DACH2: variants seen among roughly 807,000 people sequenced by gnomAD.
The protein encoded by DACH2 is dachshund family transcription factor 2.
DACH2 carries 17 observed loss-of-function variants against 35.8 expected under a neutral mutation model. The ratio of observed to expected loss-of-function variants is 0.48; its 90% CI spans 0.33 to 0.71. The LOEUF (loss-of-function observed/expected upper bound fraction) is 0.71. Ranked by LOEUF, DACH2 falls within the 30% of genes least tolerant of loss-of-function variation. DACH2 has a pLI of 0.02. For synonymous variants in DACH2, 195 were observed against 177.3 expected (o/e 1.10, Z -0.79); for missense variants, 469 against 472.7 (o/e 0.99, Z 0.07).
chrX:86,577,032 G>A (rs1237545938), intron 3 of DACH2, among the ~76,000 whole-genome samples: 3 of 111,625 alleles, frequency 2.7e-5, no homozygotes, highest in African/African-American at 9.8e-5. Context: ...CCCAATCTCA[G>A]GTATTCATTT....
At chrX:86,599,518 CAAAGAG>C (rs1188916492) in intron 3 of DACH2, among the ~76,000 whole-genome samples, 113 of 96,910 alleles carry the variant, frequency 1.2e-3, no homozygotes, top group African/African-American at 1.8e-3. Context: ...TTCTTTCTTT[CAAAGAG>C]TCTCTCTCTG....
rs139396778 is a variant in DACH2 at position 86,574,135 on chromosome X, A to G, written c.640+59744A>G. ...CTTTTATTCTGCCATGATGGAATTG[A>G]AGTTACCCCAAAGAGTAGAGTAAAA... On this transcript the variant is annotated intron_variant, in intron 3 of 11. Transcript: ENST00000373125. Among the ~76,000 whole-genome samples the G allele has an allele frequency of 9.1e-3, 1,012 of 111,499 alleles. 18 individuals are homozygous for G. The highest frequency in any genetic ancestry group is 0.032 in the African/African-American group (970 of 30,756).
At chrX:86,650,787 T>TA (rs756029409) in intron 3 of DACH2, among the ~76,000 whole-genome samples, 286 of 111,479 alleles carry the variant, frequency 2.6e-3, no homozygotes, top group Non-Finnish European at 4.5e-3. Context: ...GTTACATTGT[T>TA]AAAAATATTA....
At chrX:86,639,592 C>T (rs950236723) in intron 3 of DACH2, among the ~76,000 whole-genome samples, 6 of 111,244 alleles carry the variant, frequency 5.4e-5, no homozygotes, top group African/African-American at 6.5e-5. Context: ...TTCCAAGGCA[C>T]GTCACAATAT....
chrX:86,570,864 T>C (rs1236243670), intron 3 of DACH2, among the ~76,000 whole-genome samples: 3 of 111,607 alleles, frequency 2.7e-5, no homozygotes, highest in Non-Finnish European at 5.7e-5. Flanking sequence ...CAAATATATA[T>C]TTTACAAAGA....
At chrX:86,463,767 A>G (rs994163323) in intron 2 of DACH2, among the ~76,000 whole-genome samples, 5 of 111,711 alleles carry the variant, frequency 4.5e-5, no homozygotes, top group African/African-American at 6.5e-5. Context: ...AATTTTTGCA[A>G]TCTTTCCATG....
intron 1 of DACH2, among the ~76,000 whole-genome samples, chrX:86,283,869 T>TATAC (rs1569328853): frequency 1.8e-5 from 1 of 55,012 alleles, no homozygotes. Flanking sequence ...ACTTAAAGTA[T>TATAC]ATACACACAC....
At chrX:86,201,976 C>A (rs1391756497) in intron 1 of DACH2, among the ~76,000 whole-genome samples, 1 of 110,934 alleles carries the variant, frequency 9.0e-6, no homozygotes, top group Non-Finnish European at 1.9e-5. Context: ...TACTTGCTTC[C>A]CTAAGTAGTT....
chrX:86,234,717 G>A (rs1322178426), intron 1 of DACH2, among the ~76,000 whole-genome samples: 1 of 108,777 alleles, frequency 9.2e-6, no homozygotes, highest in African/African-American at 3.4e-5. Context: ...CGACTCCAGT[G>A]ATCCTCCCAC....
intron 1 of DACH2, among the ~76,000 whole-genome samples, chrX:86,176,042 G>C (rs1343361486): frequency 8.9e-6 from 1 of 111,887 alleles, no homozygotes; most frequent in African/African-American, 3.2e-5. Context: ...AGCTGTGTCA[G>C]TACTGGTGCA....
At chrX:86,696,685 A>G (rs1411253615) in intron 5 of DACH2, among the ~76,000 whole-genome samples, 4 of 111,967 alleles carry the variant, frequency 3.6e-5, no homozygotes, top group African/African-American at 1.3e-4. Flanking sequence ...AGATCCTGGT[A>G]GAAGCATTTA....
At chrX:86,307,415 A>G (rs768274617) in intron 1 of DACH2, among the ~76,000 whole-genome samples, 25 of 111,943 alleles carry the variant, frequency 2.2e-4, no homozygotes, top group Non-Finnish European at 4.3e-4. Context: ...GGGCCCTGCA[A>G]CTTGGAATGG....
At chrX:86,389,886 G>A (rs1200539523) in intron 2 of DACH2, among the ~76,000 whole-genome samples, 1 of 111,492 alleles carries the variant, frequency 9.0e-6, no homozygotes, top group Non-Finnish European at 1.9e-5. Flanking sequence ...AAATGATGCT[G>A]GAAAAAAAAT....
rs574972910 is a variant in DACH2 at position 86,190,158 on chromosome X, C to T, written c.488+41050C>T. Reference sequence around the variant, plus strand: ...CAGCCTGGGCGATAGAGTGAGACTCCATCTAAAAAAAAAAAAAAGTAAAAT... The same window carrying T: ...CAGCCTGGGCGATAGAGTGAGACTCTATCTAAAAAAAAAAAAAAGTAAAAT... On this transcript the variant is annotated intron_variant, in intron 1 of 11. Coordinates refer to ENST00000373125, the MANE Select transcript of DACH2 (RefSeq NM_053281.3). Among the ~76,000 whole-genome samples, 3 of 106,646 alleles carry T rather than the reference C, an allele frequency of 2.8e-5. No individual in the cohort carries two copies. The South Asian group carries it at 1.3e-3, about 45-fold the overall frequency. The allele number at this position is 106,646 out of a possible 115,157, so 92.6% of individuals were successfully genotyped here. A position where few individuals can be genotyped will look rare whatever the true frequency, so the allele number is the denominator to read the frequency against.
intron 7 of DACH2, among the ~76,000 whole-genome samples, chrX:86,788,686 A>G (rs1487262181): frequency 1.8e-5 from 2 of 111,741 alleles, no homozygotes; most frequent in Non-Finnish European, 3.8e-5. Flanking sequence ...TCTCACACCA[A>G]TGGCTGAATT....
At chrX:86,272,845 G>C (rs1449908822) in intron 1 of DACH2, among the ~76,000 whole-genome samples, 1 of 111,928 alleles carries the variant, frequency 8.9e-6, no homozygotes, top group African/African-American at 3.2e-5. Flanking sequence ...CTCTCAATGC[G>C]ATAACGTAGC....
At chrX:86,725,565 T>G (rs1446626018) in intron 6 of DACH2, among the ~76,000 whole-genome samples, 1 of 111,304 alleles carries the variant, frequency 9.0e-6, no homozygotes, top group Non-Finnish European at 1.9e-5. Flanking sequence ...TGTCTGCCTG[T>G]TCTTAGTCCC....
chrX:86,580,107 A>G (rs1411978965), intron 3 of DACH2, among the ~76,000 whole-genome samples: 2 of 111,798 alleles, frequency 1.8e-5, no homozygotes, highest in Non-Finnish European at 3.8e-5. Context: ...GCAGACCAGG[A>G]GCTCTTACTT....
intron 3 of DACH2, among the ~76,000 whole-genome samples, chrX:86,610,183 C>T (rs1041524874): frequency 1.3e-4 from 14 of 111,143 alleles, no homozygotes; most frequent in African/African-American, 3.9e-4. Flanking sequence ...TCCCATTCTT[C>T]CATTCTTCCC....
Sources: gnomAD v4.1 joint callset for allele counts (sites outside exome capture counted in the v4.1 genomes callset) on GRCh38, gnomAD v4.1.1 for gene constraint, MANE v1.5 for transcripts, NCBI Gene and HGNC (gene_info 2026-07-23, HGNC 2026-07-21) for gene names.